The following PTPRZ1 variants were observed in gnomAD, a reference collection of about 807,000 sequenced individuals.
The protein encoded by PTPRZ1 is protein tyrosine phosphatase receptor type Z1.
A neutral mutation model predicts 214.1 loss-of-function variants in PTPRZ1; 82 were observed. The observed-to-expected ratio is 0.38, with a 90% CI of 0.32 to 0.46. The LOEUF is 0.46. Among genes scored for constraint, PTPRZ1 ranks in the 20% least tolerant of loss-of-function variants. The pLI, the probability that PTPRZ1 is intolerant of heterozygous loss-of-function variation, is 1.00. For missense variants in PTPRZ1, 2,603 were observed against 2,748.7 expected, an observed-to-expected ratio of 0.95 and a Z score of 1.19; for synonymous variants, 945 against 987.9, an observed-to-expected ratio of 0.96 and a Z score of 0.81.
intron 2 of PTPRZ1, among the ~76,000 whole-genome samples, chr7:121,949,933 G>C (rs1796502531): frequency 6.6e-6 from 1 of 152,304 alleles, no homozygotes; most frequent in East Asian, 1.9e-4. Context: ...CTGTTATTGA[G>C]AGTGTCCTAT....
chr7:122,047,707 G>A (rs553448704), intron 23 of PTPRZ1, among the ~76,000 whole-genome samples: 2 of 151,078 alleles, frequency 1.3e-5, no homozygotes, highest in East Asian at 1.9e-4. Flanking sequence ...GGAGTGCAGA[G>A]GCACAATCTC....
At chr7:121,950,341 A>G (rs1199739265) in intron 2 of PTPRZ1, among the ~76,000 whole-genome samples, 1 of 152,224 alleles carries the variant, frequency 6.6e-6, no homozygotes, top group Non-Finnish European at 1.5e-5. Context: ...TCAGGAACTA[A>G]TGTGGTTTTT....
intron 1 of PTPRZ1, among the ~76,000 whole-genome samples, chr7:121,917,551 C>T (rs185857287): frequency 6.6e-6 from 1 of 152,056 alleles, no homozygotes; most frequent in East Asian, 1.9e-4. Flanking sequence ...AAGAAAAAAC[C>T]CAAATGCCTG....
chr7:121,997,588 T>C (rs1798182316), intron 9 of PTPRZ1, among the ~76,000 whole-genome samples: 1 of 151,966 alleles, frequency 6.6e-6, no homozygotes, highest in African/African-American at 2.4e-5. Flanking sequence ...TAATTTTTAG[T>C]TTGTAGTACT....
chr7:122,044,550 G>A lies in PTPRZ1; in HGVS notation c.6066G>A (p.Lys2022=), dbSNP rs1406084731. ...TTCCTGGACCAGCAGGCAAAACAAA[G>A]CTAGAGAAACAATTCCAGGTGAGTC... ...LLIPGPAGKT[K]LEKQFQLLSQ... The change falls in exon 23 of 30, where the codon AAG becomes AAA. Residue 2022 remains lysine (K), a synonymous_variant. Coordinates refer to ENST00000393386, the MANE Select transcript of PTPRZ1 (RefSeq NM_002851.3). 8 of 1,613,670 alleles carry A rather than the reference G, an allele frequency of 5.0e-6. No homozygotes were observed. In the South Asian group the frequency reaches 8.8e-5, roughly 18 times the overall value.
chr7:122,011,711 A>T lies in PTPRZ1; in HGVS notation c.2665A>T (p.Thr889Ser). 6.2e-7 allele frequency: 1 copy of T among 1,614,124 alleles called. No homozygotes were observed. Among genetic ancestry groups the T allele is most frequent in the Non-Finnish European group, 8.5e-7 (1 of 1,180,034 alleles). Residue 889 changes from threonine to serine, a missense_variant, in exon 12 of 30, where the codon ACG (threonine) becomes TCG (serine). This residue lies in a region of PTPRZ1 where 1,913 missense variants were observed against 1,914.3 expected (regional missense o/e 1.00). Coordinates refer to ENST00000393386, the MANE Select transcript of PTPRZ1 (RefSeq NM_002851.3). ...GTCCACTACTCATGCTGCTTCAGAG[A>T]CGCTGGAATTTGGTAGTGAATCTGG... ...VLSTTHAASE[T>S]LEFGSESGVL...
intron 10 of PTPRZ1, among the ~76,000 whole-genome samples, chr7:122,001,005 G>A (rs1305172793): frequency 1.3e-5 from 2 of 151,986 alleles, no homozygotes; most frequent in African/African-American, 4.8e-5. Context: ...ATTTAAATCA[G>A]TTTCCCTGAA....
chr7:121,881,696 TATGGTGA>T (rs1794244003), intron 1 of PTPRZ1, among the ~76,000 whole-genome samples: 1 of 152,200 alleles, frequency 6.6e-6, no homozygotes, highest in Non-Finnish European at 1.5e-5. Context: ...GAGTATGCTC[TATGGTGA>T]TTGACCTCAT....
intron 6 of PTPRZ1, among the ~76,000 whole-genome samples, 194 bp from the exon 7 acceptor site, chr7:121,983,471 A>G (rs924719875): frequency 1.3e-5 from 2 of 152,236 alleles, no homozygotes; most frequent in Non-Finnish European, 2.9e-5. Context: ...GTCATCTAAC[A>G]CTGTATAGTG....
intron 1 of PTPRZ1, among the ~76,000 whole-genome samples, chr7:121,923,704 G>GC (rs970506085): frequency 6.6e-6 from 1 of 150,916 alleles, no homozygotes; most frequent in African/African-American, 2.4e-5. Flanking sequence ...CTTGGTGGGG[G>GC]GGTGGTAAAA....
chr7:121,917,013 G>A (rs1248409126), intron 1 of PTPRZ1, among the ~76,000 whole-genome samples: 2 of 152,218 alleles, frequency 1.3e-5, no homozygotes, highest in Admixed American at 6.5e-5. Flanking sequence ...GCAGAGGAAT[G>A]TGAAGCCACT....
chr7:121,992,594 GA>G (rs1044161439), intron 8 of PTPRZ1, among the ~76,000 whole-genome samples: 58 of 152,290 alleles, frequency 3.8e-4, no homozygotes, highest in African/African-American at 1.4e-3. Context: ...CTAAATGGCA[GA>G]ATTTTTCATA....
chr7:121,937,179 C>A (rs1466115600), intron 2 of PTPRZ1, among the ~76,000 whole-genome samples: 1 of 152,138 alleles, frequency 6.6e-6, no homozygotes, highest in Non-Finnish European at 1.5e-5. Flanking sequence ...TGCACAATTG[C>A]ACAAGTTTCT....
rs183699095 is a variant in PTPRZ1 at position 121,978,275 on chromosome 7, T to C, written c.619+1424T>C. Reference sequence around the variant, plus strand: ...TTTGAAAGCAGAACAGTTCTTGGATTAGCTGAGGACGGATTCTAGTCCTTT... The same window carrying C: ...TTTGAAAGCAGAACAGTTCTTGGATCAGCTGAGGACGGATTCTAGTCCTTT... On this transcript the variant is annotated intron_variant, in intron 6 of 29. Coordinates refer to ENST00000393386, the MANE Select transcript of PTPRZ1 (RefSeq NM_002851.3). Among the ~76,000 whole-genome samples the C allele has an allele frequency of 3.6e-4, 55 of 152,314 alleles. No homozygotes were observed. In the East Asian group the frequency reaches 9.8e-3, roughly 27 times the overall value.
At chr7:121,891,451 C>CTTTTTTTTTTTTTTTTTTTTTT (rs58135453) in intron 1 of PTPRZ1, among the ~76,000 whole-genome samples, 6 of 35,744 alleles carry the variant, frequency 1.7e-4, no homozygotes, top group East Asian at 1.0e-3. Flanking sequence ...AAAACAACCT[C>CTTTTTTTTTTTTTTTTTTTTTT]TTTTTTTTTT....
In PTPRZ1 at chr7:122,011,460, T is replaced by C. The variant is rs1798662065; in HGVS notation, c.2414T>C (p.Val805Ala). Reference sequence around the variant, plus strand: ...ACGCCTGTATTTCCCAGTGTCGATGTGTCATTTGAATCCATCCTGTCTTCC... The same window carrying C: ...ACGCCTGTATTTCCCAGTGTCGATGCGTCATTTGAATCCATCCTGTCTTCC... ...HATPVFPSVD[V>A]SFESILSSYD... The change falls in exon 12 of 30, where the codon GTG becomes GCG. Residue 805 changes from valine (V) to alanine (A), a missense_variant. This residue lies in a region of PTPRZ1 where 1,913 missense variants were observed against 1,914.3 expected (regional missense o/e 1.00). Coordinates refer to ENST00000393386, the MANE Select transcript of PTPRZ1 (RefSeq NM_002851.3). 2 of 1,614,050 alleles carry C rather than the reference T, an allele frequency of 1.2e-6. No homozygotes were observed. Among genetic ancestry groups the C allele is most frequent in the South Asian group, 2.2e-5 (2 of 91,088 alleles).
At chr7:121,983,056 G>A (rs192507718) in intron 6 of PTPRZ1, among the ~76,000 whole-genome samples, 44 of 152,284 alleles carry the variant, frequency 2.9e-4, no homozygotes, top group Admixed American at 2.7e-3. Context: ...GAGCCACCAC[G>A]CCCGGCCTGT....
At chr7:122,041,509 G>A (rs1033394698) in intron 21 of PTPRZ1, among the ~76,000 whole-genome samples, 2 of 147,932 alleles carry the variant, frequency 1.4e-5, no homozygotes, top group African/African-American at 2.5e-5. Flanking sequence ...TACATTGAAT[G>A]TATTGTCAAT....
intron 2 of PTPRZ1, among the ~76,000 whole-genome samples, chr7:121,928,875 T>C (rs146839859): frequency 2.0e-5 from 3 of 152,300 alleles, no homozygotes; most frequent in Non-Finnish European, 4.4e-5. Flanking sequence ...AGTGGAAGAA[T>C]ATGAGTGGAA....
Sources: gnomAD v4.1 joint callset for allele counts (sites outside exome capture counted in the v4.1 genomes callset) on GRCh38, gnomAD v4.1.1 for gene constraint, gnomAD v4.1.1 regional missense constraint, MANE v1.5 for transcripts, NCBI Gene and HGNC (gene_info 2026-07-23, HGNC 2026-07-21) for gene names.